FOXP1: variants seen among roughly 807,000 people sequenced by gnomAD.
FOXP1 encodes the protein forkhead box P1.
A neutral mutation model predicts 98.2 loss-of-function variants in FOXP1; 15 were observed. The ratio of observed to expected loss-of-function variants is 0.15; its 90% CI spans 0.10 to 0.24. The LOEUF (loss-of-function observed/expected upper bound fraction) is 0.24, where lower values mean the gene tolerates loss of function less well. Among genes scored for constraint, FOXP1 ranks in the 10% least tolerant of loss-of-function variants. The pLI, the probability that FOXP1 is intolerant of heterozygous loss-of-function variation, is 1.00. For missense variants in FOXP1, 633 were observed against 848.5 expected (o/e 0.75, Z 3.15); for synonymous variants, 371 against 314.5 (o/e 1.18, Z -1.90).
chr3:71,540,809 A>C (rs779603978), intron 2 of FOXP1, among the ~76,000 whole-genome samples: 1 of 152,214 alleles, frequency 6.6e-6, no homozygotes, highest in Non-Finnish European at 1.5e-5. Flanking sequence ...GTACACTTAC[A>C]AGTGTAGCAA....
intron 12 of FOXP1, among the ~76,000 whole-genome samples, chr3:71,011,160 G>A (rs11920304): frequency 0.14 from 21,742 of 151,998 alleles, 2,696 homozygotes; most frequent in African/African-American, 0.34. Flanking sequence ...AGCATCTAGG[G>A]GAGTTTCTTC....
chr3:71,213,981 C>T (rs1288673628), intron 5 of FOXP1, among the ~76,000 whole-genome samples: 1 of 152,098 alleles, frequency 6.6e-6, no homozygotes, highest in East Asian at 1.9e-4. Flanking sequence ...CTGGGAAGTA[C>T]AAAGAATCAG....
At chr3:71,134,281 A>T (rs2059712794) in intron 6 of FOXP1, among the ~76,000 whole-genome samples, 2 of 152,200 alleles carry the variant, frequency 1.3e-5, no homozygotes, top group African/African-American at 4.8e-5. Context: ...TCGAATGGAC[A>T]CCAAGGTTTA....
At chr3:71,009,603 G>C (rs1338714590) in intron 12 of FOXP1, among the ~76,000 whole-genome samples, 1 of 151,990 alleles carries the variant, frequency 6.6e-6, no homozygotes, top group Non-Finnish European at 1.5e-5. Flanking sequence ...CCTTTTCCTA[G>C]GTAGAAGGTT....
At chr3:71,155,174 T>C (rs745455269) in intron 6 of FOXP1, among the ~76,000 whole-genome samples, 1 of 152,142 alleles carries the variant, frequency 6.6e-6, no homozygotes, top group Non-Finnish European at 1.5e-5. Context: ...GCCATGTCTA[T>C]ATCATGACAT....
intron 12 of FOXP1, among the ~76,000 whole-genome samples, chr3:71,004,239 G>C (rs2107638138): frequency 6.6e-6 from 1 of 151,852 alleles, no homozygotes; most frequent in South Asian, 2.1e-4. Flanking sequence ...TGGATAATTT[G>C]GTCAGCAGAA....
chr3:71,381,233 C>A (rs2080143483), intron 3 of FOXP1, among the ~76,000 whole-genome samples: 1 of 150,634 alleles, frequency 6.6e-6, no homozygotes, highest in African/African-American at 2.4e-5. Flanking sequence ...TCACTGCAAG[C>A]TCCGCCTCCC....
chr3:71,076,146 G>A (rs768930642), intron 7 of FOXP1, among the ~76,000 whole-genome samples: 4 of 152,170 alleles, frequency 2.6e-5, no homozygotes, highest in African/African-American at 7.2e-5. Context: ...TGTTACTCAC[G>A]GTGGAGCCTG....
intron 6 of FOXP1, among the ~76,000 whole-genome samples, chr3:71,184,938 A>C (rs1047752250): frequency 4.6e-5 from 7 of 152,154 alleles, no homozygotes; most frequent in African/African-American, 1.7e-4. Context: ...CACGCCTGTA[A>C]TCCTAGCACT....
At chr3:71,550,135 A>C (rs963968625) in intron 2 of FOXP1, among the ~76,000 whole-genome samples, 1 of 152,196 alleles carries the variant, frequency 6.6e-6, no homozygotes, top group Non-Finnish European at 1.5e-5. Context: ...TATTCTTCAG[A>C]AGTAGCCACA....
intron 5 of FOXP1, chr3:71,296,140 G>A (rs894893895): frequency 2.6e-5 from 4 of 152,180 alleles, no homozygotes; most frequent in Non-Finnish European, 5.9e-5. Flanking sequence ...TTTGCCTGGC[G>A]ACTTTTATGT....
rs1218386453 is a variant in FOXP1 at position 71,583,722 on chromosome 3, C to G, written c.-598G>C. Reference sequence around the variant, plus strand: ...CTCCCGGGCGAGGGCCGGGCCGCCGCGAGTACAGCGTGCAACCGCCACACA... The same window carrying G: ...CTCCCGGGCGAGGGCCGGGCCGCCGGGAGTACAGCGTGCAACCGCCACACA... On this transcript the variant is annotated 5_prime_UTR_variant, in exon 1 of 21. Transcript: ENST00000649528. 6.1e-6 allele frequency: 6 copies of G among 985,058 alleles called. No individual in the cohort carries two copies. Among genetic ancestry groups the G allele is most frequent in the Non-Finnish European group, 7.2e-6 (6 of 829,920 alleles). The allele number at this position is 985,058 out of a possible 1,614,324, so 61.0% of individuals were successfully genotyped here.
chr3:71,583,448 T>C, intron 1 of FOXP1, 123 bp downstream of exon 1: 7 of 978,040 alleles, frequency 7.2e-6, no homozygotes, highest in Non-Finnish European at 8.5e-6. Context: ...CCATTTTTTT[T>C]CTCTTTTTCT....
At chr3:71,123,760 C>A (rs2058951383) in intron 6 of FOXP1, among the ~76,000 whole-genome samples, 1 of 152,048 alleles carries the variant, frequency 6.6e-6, no homozygotes. Context: ...TAAATACATT[C>A]TTCTTCTTCT....
At chr3:71,228,253 A>G (rs2065997219) in intron 5 of FOXP1, among the ~76,000 whole-genome samples, 3 of 151,966 alleles carry the variant, frequency 2.0e-5, no homozygotes, top group Admixed American at 2.0e-4. Flanking sequence ...TAAGTGGAGA[A>G]CTTACTGTTT....
chr3:71,488,817 G>A (rs1414486915), intron 3 of FOXP1, among the ~76,000 whole-genome samples: 1 of 152,184 alleles, frequency 6.6e-6, no homozygotes, highest in Non-Finnish European at 1.5e-5. Context: ...TTTATGGTGT[G>A]AGTGAAGATC....
chr3:71,289,336 G>A (rs1042721417), intron 5 of FOXP1, among the ~76,000 whole-genome samples: 4 of 151,760 alleles, frequency 2.6e-5, no homozygotes, highest in African/African-American at 9.7e-5. Flanking sequence ...ACTGTGCCCA[G>A]CCTAATTTTG....
chr3:71,196,152 A>G (rs1306288522), intron 6 of FOXP1, among the ~76,000 whole-genome samples: 1 of 152,180 alleles, frequency 6.6e-6, no homozygotes, highest in Non-Finnish European at 1.5e-5. Flanking sequence ...CGGAGAAAAA[A>G]CTGTCATAAA....
At chr3:71,349,218 C>T (rs2077605648) in intron 4 of FOXP1, among the ~76,000 whole-genome samples, 1 of 152,054 alleles carries the variant, frequency 6.6e-6, no homozygotes, top group Non-Finnish European at 1.5e-5. Flanking sequence ...ATGTATATTC[C>T]TAGTGAAAGA....
Sources: allele counts gnomAD v4.1 joint callset (sites outside exome capture counted in the v4.1 genomes callset), GRCh38; gene constraint gnomAD v4.1.1; transcripts MANE v1.5; gene names NCBI Gene and HGNC (gene_info 2026-07-23, HGNC 2026-07-21).